Variants in GPN2 observed in about 807,000 individuals in gnomAD.
GPN2 encodes GPN-loop GTPase 2.
In GPN2, 27 loss-of-function variants were observed where a neutral mutation model predicts 30.1. The ratio of observed to expected loss-of-function variants is 0.90; its 90% CI spans 0.66 to 1.24. The LOEUF is 1.24. Ranked by LOEUF, GPN2 falls within the 50% of genes most tolerant of loss-of-function variation. The pLI, the probability that GPN2 is intolerant of heterozygous loss-of-function variation, is 0.00. For synonymous variants in GPN2, 212 were observed against 174.4 expected, an observed-to-expected ratio of 1.22 and a Z score of -1.70; for missense variants, 406 against 405.4, an observed-to-expected ratio of 1.00 and a Z score of -0.01.
At chr1:26,881,818 G>T (rs994611955) in intron 4 of GPN2, among the ~76,000 whole-genome samples, 5 of 151,738 alleles carry the variant, frequency 3.3e-5, no homozygotes, top group African/African-American at 1.2e-4. Flanking sequence ...AGGCTGAGGT[G>T]GGAGGGTAAC....
chr1:26,890,271 T>A lies in GPN2; in HGVS notation c.-175A>T, dbSNP rs1323081256. 5 of 562,894 alleles carry A rather than the reference T, an allele frequency of 8.9e-6. No individual in the cohort carries two copies. The East Asian group carries it at 1.3e-4, about 14-fold the overall frequency. 34.9% of individuals were successfully genotyped at this position (562,894 alleles called of 1,614,324 possible). A position where few individuals can be genotyped will look rare whatever the true frequency, so the allele number is the denominator to read the frequency against. The stretch of plus-strand genomic sequence containing the variant: ...CGCGCAAAAGGAGATAACAGGCCGA[T>A]ACTAACTAGACTAACTCGACTTCCG... On this transcript the variant is annotated 5_prime_UTR_variant, in exon 1 of 5. Coordinates refer to ENST00000374135, the MANE Select transcript of GPN2 (RefSeq NM_018066.4).
chr1:26,887,015 A>G (rs772098748), intron 2 of GPN2, among the ~76,000 whole-genome samples: 2,332 of 133,196 alleles, frequency 0.018, 21 homozygotes, highest in Non-Finnish European at 0.028. Flanking sequence ...AAAAAAAAAA[A>G]GTTGCAAATA....
chr1:26,880,958 C>G (rs1394885180), intron 4 of GPN2, among the ~76,000 whole-genome samples: 1 of 152,212 alleles, frequency 6.6e-6, no homozygotes, highest in Admixed American at 6.5e-5. Context: ...AAGCTGACCA[C>G]TCCCTTATTT....
rs1453710246 is a variant in GPN2, at chr1:26,877,788, CA to C, written c.*1888del. On this transcript the variant is annotated 3_prime_UTR_variant, in exon 5 of 5. Transcript: ENST00000374135. Reference sequence around the variant, plus strand: ...CAGTGGCTCACGCCTGTAATCCCAGCACTTTGGGAGGCCAAGGCGGGTAAAT... The same window carrying C: ...CAGTGGCTCACGCCTGTAATCCCAGCCTTTGGGAGGCCAAGGCGGGTAAAT... The C allele has an allele frequency of 6.6e-6, 1 of 152,324 alleles. No homozygotes were observed. Among genetic ancestry groups the C allele is most frequent in the East Asian group, 1.9e-4 (1 of 5,208 alleles). The allele number at this position is 152,324 out of a possible 1,614,324, so 9.4% of individuals were successfully genotyped here.
At chr1:26,882,405 C>G (rs573001217) in intron 4 of GPN2, among the ~76,000 whole-genome samples, 2 of 152,146 alleles carry the variant, frequency 1.3e-5, no homozygotes, top group Admixed American at 1.3e-4. Context: ...TTTTGCTGAG[C>G]ACATGCAGTC....
At chr1:26,882,923 C>T (rs1480463165) in intron 4 of GPN2, among the ~76,000 whole-genome samples, 1 of 152,228 alleles carries the variant, frequency 6.6e-6, no homozygotes, top group South Asian at 2.1e-4. Context: ...ACCGTCTAAG[C>T]CAGAGATCTG....
intron 4 of GPN2, among the ~76,000 whole-genome samples, chr1:26,881,435 G>C (rs535526958): frequency 6.6e-6 from 1 of 152,350 alleles, no homozygotes; most frequent in African/African-American, 2.4e-5. Flanking sequence ...CCCAAAGTAT[G>C]ATTTCTACTG....
At chr1:26,885,745 A>G (rs1042266797) in intron 3 of GPN2, among the ~76,000 whole-genome samples, 1 of 151,840 alleles carries the variant, frequency 6.6e-6, no homozygotes, top group African/African-American at 2.4e-5. Context: ...ACGCCCAGCT[A>G]ATTTTTTGTA....
rs918393436 is a variant in GPN2, at chr1:26,890,256, G to A, written c.-160C>T. On this transcript the variant is annotated 5_prime_UTR_variant, in exon 1 of 5. Coordinates refer to ENST00000374135, the MANE Select transcript of GPN2 (RefSeq NM_018066.4). ...CAGCTGAGACCGTGTCGCGCAAAAG[G>A]AGATAACAGGCCGATACTAACTAGA... 1 of 633,442 alleles carries A rather than the reference G, an allele frequency of 1.6e-6. No individual in the cohort carries two copies. The highest frequency in any genetic ancestry group is 2.6e-6 in the Non-Finnish European group (1 of 383,198). 39.2% of individuals were successfully genotyped at this position (633,442 alleles called of 1,614,324 possible).
Position 26,889,083 on chromosome 1 carries a change from G to T in GPN2, c.454C>A (p.Pro152Thr). 6.2e-7 allele frequency: 1 copy of T among 1,613,904 alleles called. No individual in the cohort carries two copies. The highest frequency in any genetic ancestry group is 8.5e-7 in the Non-Finnish European group (1 of 1,179,778). ...CACAGTACTGAAATGAACTTGGCAG[G>T]GTCTGTGCAGTAGTGAGAATCCACG... The part of the protein sequence containing the change: ...HLVDSHYCTD[P>T]AKFISVLCTS... Residue 152 changes from proline to threonine, a missense_variant, in exon 2 of 5, where the codon CCT (proline) becomes ACT (threonine). Coordinates refer to ENST00000374135, the MANE Select transcript of GPN2 (RefSeq NM_018066.4).
At position 26,877,419 on chromosome 1, in the gene GPN2, C is replaced by A. The variant is rs189679761; in HGVS notation, c.*2258G>T. On this transcript the variant is annotated 3_prime_UTR_variant, in exon 5 of 5. Transcript: ENST00000374135. ...AGATGTCCCTAAATTAATTTGCCAA[C>A]TGCCCAAACCACTGGTGAACTATCT... The A allele has an allele frequency of 2.6e-5, 4 of 152,364 alleles. No individual in the cohort carries two copies. In the East Asian group the frequency reaches 7.7e-4, roughly 29 times the overall value. The allele number at this position is 152,364 out of a possible 1,614,324, so 9.4% of individuals were successfully genotyped here.
At position 26,888,987 on chromosome 1, in the gene GPN2, C is replaced by T. The variant is rs137929531; in HGVS notation, c.550G>A (p.Glu184Lys). 326 of 1,614,122 alleles carry T rather than the reference C, an allele frequency of 2.0e-4. No homozygotes were observed. Among genetic ancestry groups the T allele is most frequent in the Non-Finnish European group, 2.7e-4 (320 of 1,180,044 alleles). ...CTCTTACCCAGCTTCCCATAATGCT[C>T]AATGAGGTCCATCTTGGAAAGGAGG... is the stretch of plus-strand genomic sequence containing the variant. ...INLLSKMDLIEHYGKLAFNLD... is the reference protein window; with the variant it reads ...INLLSKMDLIKHYGKLAFNLD... The change falls in exon 2 of 5, where the codon GAG becomes AAG. Residue 184 changes from glutamate to lysine, a missense_variant. Transcript: ENST00000374135.
chr1:26,880,811 A>G (rs911691597), intron 4 of GPN2, among the ~76,000 whole-genome samples: 8 of 151,440 alleles, frequency 5.3e-5, no homozygotes, highest in Non-Finnish European at 1.0e-4. Context: ...TCAACTTTGA[A>G]CCCCTATGCC....
At chr1:26,880,680 G>T (rs2081860064) in intron 4 of GPN2, among the ~76,000 whole-genome samples, 1 of 151,622 alleles carries the variant, frequency 6.6e-6, no homozygotes, top group African/African-American at 2.4e-5. Flanking sequence ...TACCCAGTCT[G>T]GTCTCAAACT....
At chr1:26,881,426 C>A (rs1162361164) in intron 4 of GPN2, among the ~76,000 whole-genome samples, 1 of 152,088 alleles carries the variant, frequency 6.6e-6, no homozygotes, top group Non-Finnish European at 1.5e-5. Context: ...TGATAGGTAC[C>A]CAAAGTATGA....
chr1:26,880,657 G>A (rs2081859935), intron 4 of GPN2, among the ~76,000 whole-genome samples: 1 of 152,022 alleles, frequency 6.6e-6, no homozygotes, highest in African/African-American at 2.4e-5. Context: ...AGAGAGATGG[G>A]GTCTCACTAT....
chr1:26,881,036 A>G (rs2081861887), intron 4 of GPN2, among the ~76,000 whole-genome samples: 1 of 152,228 alleles, frequency 6.6e-6, no homozygotes, highest in African/African-American at 2.4e-5. Flanking sequence ...GGCAGAATCT[A>G]AAATCAGCAC....
intron 3 of GPN2, 120 bp from the exon 4 acceptor site, chr1:26,884,410 G>T: frequency 1.0e-6 from 1 of 973,690 alleles, no homozygotes; most frequent in Non-Finnish European, 1.5e-6. Flanking sequence ...TTGGCCTGGA[G>T]TAGTTCTACA....
In GPN2 at chr1:26,885,990, T is replaced by C; in HGVS notation, c.712A>G (p.Ile238Val). 1 of 1,612,906 alleles carries C rather than the reference T, an allele frequency of 6.2e-7. No homozygotes were observed. Among genetic ancestry groups the C allele is most frequent in the Admixed American group, 1.7e-5 (1 of 59,990 alleles). ...CCTAGTACCTGGATGTTGAGAGGGA[T>C]AAAGGAGACAAGGCTATAGTCTTCG... ...LIEDYSLVSF[I>V]PLNIQDKESI... Residue 238 changes from isoleucine (I) to valine (V), a missense_variant, in exon 3 of 5, where the codon ATC becomes GTC. Ile to Val is a conservative substitution (Grantham distance 29, BLOSUM62 3). Transcript: ENST00000374135.
Sources: allele counts gnomAD v4.1 joint callset (sites outside exome capture counted in the v4.1 genomes callset), GRCh38; gene constraint gnomAD v4.1.1; transcripts MANE v1.5; gene names NCBI Gene and HGNC (gene_info 2026-07-23, HGNC 2026-07-21).